PRKCA: variants seen among roughly 807,000 people sequenced by gnomAD.
PRKCA encodes protein kinase C alpha type.
PRKCA carries 27 observed loss-of-function variants against 87.0 expected under a neutral mutation model. The ratio of observed to expected loss-of-function variants is 0.31; its 90% CI spans 0.23 to 0.43. The LOEUF (loss-of-function observed/expected upper bound fraction) is 0.43, where lower values mean the gene tolerates loss of function less well. Among genes scored for constraint, PRKCA ranks in the 20% least tolerant of loss-of-function variants. The pLI is 1.00. For missense variants in PRKCA, 518 were observed against 852.3 expected (o/e 0.61, Z 4.88); for synonymous variants, 329 against 311.1 (o/e 1.06, Z -0.61).
intron 5 of PRKCA, among the ~76,000 whole-genome samples, chr17:66,671,490 G>A (rs1043857397): frequency 1.3e-5 from 2 of 152,254 alleles, no homozygotes; most frequent in East Asian, 1.9e-4. Context: ...TGTCCAAGGT[G>A]CTGAGTACCT....
intron 5 of PRKCA, among the ~76,000 whole-genome samples, chr17:66,668,939 A>C (rs1055906997): frequency 1.1e-4 from 17 of 151,928 alleles, no homozygotes; most frequent in Admixed American, 2.6e-4. Context: ...CTGCCTCTAC[A>C]AAAAAATTTA....
At chr17:66,718,479 AT>A (rs1352426559) in intron 8 of PRKCA, among the ~76,000 whole-genome samples, 1 of 152,124 alleles carries the variant, frequency 6.6e-6, no homozygotes, top group Non-Finnish European at 1.5e-5. Flanking sequence ...TGCCTGGCTA[AT>A]TTTTAAAATT....
At chr17:66,418,717 C>T (rs1005257158) in intron 2 of PRKCA, among the ~76,000 whole-genome samples, 2 of 151,358 alleles carry the variant, frequency 1.3e-5, no homozygotes, top group South Asian at 4.2e-4. Flanking sequence ...ATTATAGGCA[C>T]GAGCCACTGC....
intron 3 of PRKCA, among the ~76,000 whole-genome samples, chr17:66,526,367 T>C (rs1967347910): frequency 6.6e-6 from 1 of 152,188 alleles, no homozygotes; most frequent in Non-Finnish European, 1.5e-5. Context: ...TGTTATCGCT[T>C]CCAGTCATGT....
chr17:66,677,075 T>TTTTTTTTATTTA (rs1555634533), intron 5 of PRKCA: 5 of 144,580 alleles, frequency 3.5e-5, no homozygotes, highest in African/African-American at 1.3e-4. Context: ...CACAGCTTAT[T>TTTTTTTTATTTA]TTTATTTATT....
intron 3 of PRKCA, among the ~76,000 whole-genome samples, chr17:66,542,206 G>T (rs1466930555): frequency 1.3e-5 from 2 of 152,184 alleles, no homozygotes; most frequent in East Asian, 3.9e-4. Flanking sequence ...TTCTGTATTA[G>T]ATGGTGATTA....
At chr17:66,362,894 A>G (rs1908479204) in intron 2 of PRKCA, among the ~76,000 whole-genome samples, 1 of 152,070 alleles carries the variant, frequency 6.6e-6, no homozygotes, top group Non-Finnish European at 1.5e-5. Flanking sequence ...GGATTTTGCC[A>G]TGTTGTCCAG....
intron 5 of PRKCA, among the ~76,000 whole-genome samples, chr17:66,649,300 C>T (rs1971530896): frequency 6.6e-6 from 1 of 152,158 alleles, no homozygotes; most frequent in Non-Finnish European, 1.5e-5. Context: ...TGCACCTTCT[C>T]CCAACCAAAT....
At chr17:66,381,067 A>G (rs1194681248) in intron 2 of PRKCA, among the ~76,000 whole-genome samples, 6 of 151,910 alleles carry the variant, frequency 3.9e-5, no homozygotes, top group Admixed American at 3.9e-4. Flanking sequence ...AGCCTCCAGA[A>G]TAGCAGGGAC....
chr17:66,320,349 T>C (rs1490290752), intron 2 of PRKCA, among the ~76,000 whole-genome samples: 1 of 151,776 alleles, frequency 6.6e-6, no homozygotes, highest in African/African-American at 2.4e-5. Context: ...CCATTCCCAG[T>C]GAGTACAAGT....
intron 2 of PRKCA, among the ~76,000 whole-genome samples, chr17:66,407,765 A>T (rs1433218152): frequency 3.3e-5 from 5 of 152,156 alleles, no homozygotes; most frequent in Non-Finnish European, 5.9e-5. Context: ...ATATTAGTTT[A>T]AAAAAGTGTT....
At chr17:66,696,514 A>G (rs562948997) in intron 8 of PRKCA, 6 of 152,360 alleles carry the variant, frequency 3.9e-5, no homozygotes, top group African/African-American at 1.2e-4. Context: ...AGTACCTGGC[A>G]TAGAGTAAGT....
intron 3 of PRKCA, among the ~76,000 whole-genome samples, chr17:66,590,002 G>T (rs1969750392): frequency 6.6e-6 from 1 of 152,172 alleles, no homozygotes; most frequent in Non-Finnish European, 1.5e-5. Flanking sequence ...ACGGTAGGCA[G>T]AGCTCAGGCG....
intron 5 of PRKCA, among the ~76,000 whole-genome samples, chr17:66,648,613 G>A (rs748476738): frequency 6.6e-6 from 1 of 152,158 alleles, no homozygotes; most frequent in Non-Finnish European, 1.5e-5. Flanking sequence ...CCAATGTTAA[G>A]TATGGAAAGT....
At chr17:66,542,256 C>T (rs1473894895) in intron 3 of PRKCA, among the ~76,000 whole-genome samples, 3 of 152,060 alleles carry the variant, frequency 2.0e-5, no homozygotes, top group Admixed American at 1.3e-4. Flanking sequence ...AGGATTTTCA[C>T]GATGTGGTTT....
At chr17:66,388,347 TG>T (rs1173966871) in intron 2 of PRKCA, among the ~76,000 whole-genome samples, 1 of 151,570 alleles carries the variant, frequency 6.6e-6, no homozygotes, top group Non-Finnish European at 1.5e-5. Context: ...CAGACTGGAG[TG>T]TAATGGCGCC....
At chr17:66,482,702 G>A (rs377187526) in intron 2 of PRKCA, among the ~76,000 whole-genome samples, 35 of 152,256 alleles carry the variant, frequency 2.3e-4, no homozygotes, top group African/African-American at 7.9e-4. Flanking sequence ...GTACCAGCAG[G>A]TGTATTAAGC....
intron 2 of PRKCA, among the ~76,000 whole-genome samples, chr17:66,348,590 T>G (rs1394655881): frequency 6.6e-6 from 1 of 152,248 alleles, no homozygotes; most frequent in Non-Finnish European, 1.5e-5. Flanking sequence ...AAAGTGAAAT[T>G]GTGCCAATTG....
intron 5 of PRKCA, among the ~76,000 whole-genome samples, chr17:66,654,452 G>T (rs1013298195): frequency 1.3e-5 from 2 of 152,130 alleles, no homozygotes; most frequent in Non-Finnish European, 2.9e-5. Context: ...TTACCCTTTT[G>T]TAAGTGAGGA....
Sources: gnomAD v4.1 joint callset for allele counts (sites outside exome capture counted in the v4.1 genomes callset) on GRCh38, gnomAD v4.1.1 for gene constraint, MANE v1.5 for transcripts, NCBI Gene and HGNC (gene_info 2026-07-23, HGNC 2026-07-21) for gene names.